Variants in ANAPC4 observed in about 807,000 individuals in gnomAD.
ANAPC4 encodes the protein anaphase-promoting complex subunit 4.
ANAPC4 carries 63 observed loss-of-function variants against 119.8 expected under a neutral mutation model. That is an observed-to-expected ratio of 0.53 (90% CI 0.43 to 0.65). ANAPC4 has a LOEUF of 0.65. Among genes scored for constraint, ANAPC4 ranks in the 30% least tolerant of loss-of-function variants. The probability of loss-of-function intolerance (pLI) is 0.00; values close to 1 mark genes in which losing one functional copy is unlikely to be tolerated. For synonymous variants in ANAPC4, 283 were observed against 318.6 expected (o/e 0.89, Z 1.19); for missense variants, 716 against 945.1 (o/e 0.76, Z 3.18).
intron 20 of ANAPC4, among the ~76,000 whole-genome samples, chr4:25,407,998 A>C (rs1441491658): frequency 3.3e-5 from 5 of 152,232 alleles, no homozygotes; most frequent in Non-Finnish European, 7.3e-5. Flanking sequence ...TAATTTAGTT[A>C]AGAGTGGTAA....
chr4:25,391,636 T>C (rs1029105326), intron 9 of ANAPC4, among the ~76,000 whole-genome samples: 1 of 152,250 alleles, frequency 6.6e-6, no homozygotes, highest in Non-Finnish European at 1.5e-5. Context: ...TGGGCTCCCA[T>C]AGAGTATTTA....
In ANAPC4 at chr4:25,409,799, A is replaced by G. The variant is rs377078443; in HGVS notation, c.1525+8A>G. The stretch of plus-strand genomic sequence containing the variant: ...ATAGCAGCCACCTTAAAGGTACTTC[A>G]TGAACCAACCAGATTTTGGCCATTT... On this transcript the variant is annotated splice_region_variant and intron_variant, in intron 21 of 28. Coordinates refer to ENST00000315368, the MANE Select transcript of ANAPC4 (RefSeq NM_013367.3). The G allele has an allele frequency of 2.4e-5, 39 of 1,607,892 alleles. No individual in the cohort carries two copies. In the East Asian group the frequency reaches 4.7e-4, roughly 19 times the overall value.
intron 4 of ANAPC4, among the ~76,000 whole-genome samples, chr4:25,388,190 A>C (rs1722146916): frequency 6.6e-6 from 1 of 152,238 alleles, no homozygotes. Context: ...GAGTTAAGAA[A>C]TCATAAATTC....
intron 4 of ANAPC4, among the ~76,000 whole-genome samples, chr4:25,385,078 A>G (rs962044167): frequency 3.9e-5 from 6 of 152,184 alleles, no homozygotes; most frequent in Non-Finnish European, 8.8e-5. Flanking sequence ...GATGGGATAG[A>G]TTTAGCATAA....
Position 25,394,307 on chromosome 4 carries a change from CAGGAA to C in ANAPC4, c.877-1_880del. On this transcript the variant is annotated splice_acceptor_variant and coding_sequence_variant, in exon 12 of 29. Coordinates refer to ENST00000315368, the MANE Select transcript of ANAPC4 (RefSeq NM_013367.3). LOFTEE classifies it high-confidence loss of function. Reference sequence around the variant, plus strand: ...TCACAATTTTTTTTTCACTTTTTTCCAGGAAAAGAACACAACCACATCAGTGCAAG... The same window carrying C: ...TCACAATTTTTTTTTCACTTTTTTCCAAGAACACAACCACATCAGTGCAAG... 6.4e-7 allele frequency: 1 copy of C among 1,571,348 alleles called. No homozygotes were observed. Among genetic ancestry groups the C allele is most frequent in the African/African-American group, 1.4e-5 (1 of 71,642 alleles).
rs746184414 is a variant in ANAPC4 at position 25,390,921 on chromosome 4, C to T, written c.611C>T (p.Thr204Ile). ...KIARVTGIAG[T>I]CLALCLSSDL... ...TTGACTCTTTTACAGATTGCTGGTA[C>T]TTGTCTTGCATTATGTTTATCAAGT... is the stretch of plus-strand genomic sequence containing the variant. Residue 204 changes from threonine (T) to isoleucine (I), a missense_variant, in exon 9 of 29, where the codon ACT becomes ATT. Transcript: ENST00000315368. The T allele has an allele frequency of 6.2e-7, 1 of 1,612,560 alleles. No individual in the cohort carries two copies. The highest frequency in any genetic ancestry group is 8.5e-7 in the Non-Finnish European group (1 of 1,178,770).
intron 20 of ANAPC4, among the ~76,000 whole-genome samples, chr4:25,408,480 AG>A (rs1293504975): frequency 6.6e-6 from 1 of 151,910 alleles, no homozygotes; most frequent in African/African-American, 2.4e-5. Context: ...TAATCAGAAA[AG>A]TCTTTGTGTT....
In ANAPC4 at chr4:25,388,818, A is replaced by G; in HGVS notation, c.471-20A>G. On this transcript the variant is annotated intron_variant, in intron 6 of 28. Coordinates refer to ENST00000315368, the MANE Select transcript of ANAPC4 (RefSeq NM_013367.3). ...GGAAGACAGAATTGAAAGATGACCC[A>G]ATTTACTTCTATATTTTAGTGAAGA... 6.2e-7 allele frequency: 1 copy of G among 1,604,542 alleles called. No homozygotes were observed. The highest frequency in any genetic ancestry group is 8.5e-7 in the Non-Finnish European group (1 of 1,175,282).
chr4:25,405,350 T>C lies in ANAPC4; in HGVS notation c.1271-223T>C, dbSNP rs776045503. ...AGGTGGAATTGAAGAGGAAAAAGAA[T>C]AGTTTAGAATGGTTAGACCAACAAT... On this transcript the variant is annotated intron_variant, in intron 17 of 28. Coordinates refer to ENST00000315368, the MANE Select transcript of ANAPC4 (RefSeq NM_013367.3). The surrounding 1 kb of genome is among the most constrained non-coding windows in gnomAD (Gnocchi z 4.6). Among the ~76,000 whole-genome samples the C allele has an allele frequency of 6.6e-6, 1 of 151,944 alleles. No homozygotes were observed. The highest frequency in any genetic ancestry group is 2.4e-5 in the African/African-American group (1 of 41,364).
chr4:25,391,956 A>G (rs1388616937), intron 9 of ANAPC4, among the ~76,000 whole-genome samples: 4 of 152,198 alleles, frequency 2.6e-5, no homozygotes, highest in African/African-American at 4.8e-5. Context: ...TTTAATGACA[A>G]ATTTATTAAG....
chr4:25,403,216 C>T (rs932303272), intron 17 of ANAPC4, among the ~76,000 whole-genome samples, 190 bp downstream of exon 17: 1 of 151,990 alleles, frequency 6.6e-6, no homozygotes, highest in Non-Finnish European at 1.5e-5. Context: ...TATTCATACA[C>T]CCAGCTCACC....
At position 25,405,485 on chromosome 4, in the gene ANAPC4, C is replaced by A; in HGVS notation, c.1271-88C>A. The A allele has an allele frequency of 1.6e-6, 2 of 1,261,688 alleles. No homozygotes were observed. Among genetic ancestry groups the A allele is most frequent in the South Asian group, 1.3e-5 (1 of 79,318 alleles). The allele number at this position is 1,261,688 out of a possible 1,614,324, so 78.2% of individuals were successfully genotyped here. ...TGTAAAATTGAAGATTTAGTTCAGT[C>A]AAACACCTTGTCTTTGAAATGTATT... On this transcript the variant is annotated intron_variant, in intron 17 of 28. Coordinates refer to ENST00000315368, the MANE Select transcript of ANAPC4 (RefSeq NM_013367.3). This position sits in a 1 kb window ranked among gnomAD's most constrained non-coding sequence, Gnocchi z 4.6.
chr4:25,377,821 C>A (rs1577364256), intron 2 of ANAPC4, among the ~76,000 whole-genome samples: 1 of 152,240 alleles, frequency 6.6e-6, no homozygotes, highest in African/African-American at 2.4e-5. Context: ...CACCGTCACG[C>A]AATCCTGCTT....
chr4:25,413,052 G>GT (rs1723661887), intron 21 of ANAPC4: 1 of 151,112 alleles, frequency 6.6e-6, no homozygotes, highest in African/African-American at 2.4e-5. Context: ...GCCTAAACCT[G>GT]TTAAGCTTCA....
intron 17 of ANAPC4, among the ~76,000 whole-genome samples, chr4:25,404,460 A>G (rs1723147497): frequency 6.6e-6 from 1 of 152,172 alleles, no homozygotes; most frequent in South Asian, 2.1e-4. Flanking sequence ...TTCTAACTGT[A>G]GTAAGAATCA....
intron 17 of ANAPC4, among the ~76,000 whole-genome samples, chr4:25,404,048 T>TA (rs1364019293): frequency 6.6e-6 from 1 of 152,246 alleles, no homozygotes; most frequent in African/African-American, 2.4e-5. Flanking sequence ...TAATGTAATT[T>TA]ATCTCACACT....
Position 25,396,850 on chromosome 4 carries a change from G to A in ANAPC4, c.1165G>A (p.Ala389Thr), listed in dbSNP as rs1722679605. 12 of 1,612,476 alleles carry A rather than the reference G, an allele frequency of 7.4e-6. No individual in the cohort carries two copies. The highest frequency in any genetic ancestry group is 9.3e-6 in the Non-Finnish European group (11 of 1,179,534). The change falls in exon 16 of 29, where the codon GCT (alanine) becomes ACT (threonine). Residue 389 changes from alanine to threonine, a missense_variant and splice_region_variant. Physicochemically the swap from Ala to Thr is moderately conservative, Grantham distance 58. Around this residue, in one of 3 missense-constraint regions of ANAPC4, gnomAD observed 504 missense variants for 615.8 expected, o/e 0.82. Coordinates refer to ENST00000315368, the MANE Select transcript of ANAPC4 (RefSeq NM_013367.3). ...GTTTATTTATTTTTTCCCTTTAGAA[G>A]CTATAACTGCTGTGGGTTCTTTTAT... ...LGLDAAGIEEAITAVGSFILK... is the reference protein window; with the variant it reads ...LGLDAAGIEETITAVGSFILK...
Position 25,388,754 on chromosome 4 carries a change from C to T in ANAPC4, c.470+11C>T, listed in dbSNP as rs766961269. 3.1e-6 allele frequency: 5 copies of T among 1,608,362 alleles called. No homozygotes were observed. The Admixed American group carries it at 8.4e-5, about 27-fold the overall frequency. ...CTCAAAAATATTTAGGTAAGATACG[C>T]CTTTTCTTGTTTTCAAGTAAGATAA... On this transcript the variant is annotated intron_variant, in intron 6 of 28. Coordinates refer to ENST00000315368, the MANE Select transcript of ANAPC4 (RefSeq NM_013367.3).
intron 2 of ANAPC4, among the ~76,000 whole-genome samples, 154 bp from the exon 3 acceptor site, chr4:25,380,220 G>A (rs1197940591): frequency 6.6e-6 from 1 of 152,124 alleles, no homozygotes; most frequent in Non-Finnish European, 1.5e-5. Flanking sequence ...AATACCTTGT[G>A]TTCATTCAGA....
Sources: gnomAD v4.1 joint callset for allele counts (sites outside exome capture counted in the v4.1 genomes callset) on GRCh38, gnomAD v4.1.1 for gene constraint, gnomAD v4.1.1 regional missense constraint, Gnocchi (gnomAD v3.1) non-coding constraint, MANE v1.5 for transcripts, NCBI Gene and HGNC (gene_info 2026-07-23, HGNC 2026-07-21) for gene names.